Variants in SETD5 observed in about 807,000 individuals in gnomAD.
SETD5 encodes histone-lysine N-methyltransferase SETD5.
SETD5 carries 44 observed loss-of-function variants against 153.3 expected under a neutral mutation model. The ratio of observed to expected loss-of-function variants is 0.29; its 90% CI spans 0.23 to 0.37. The LOEUF (loss-of-function observed/expected upper bound fraction) is 0.37, where lower values mean the gene tolerates loss of function less well. Ranked by LOEUF, SETD5 falls within the 10% of genes least tolerant of loss-of-function variation. SETD5 has a pLI of 1.00. For synonymous variants in SETD5, 716 were observed against 645.2 expected (o/e 1.11, Z -1.66); for missense variants, 1,544 against 1,768.0 (o/e 0.87, Z 2.27).
At chr3:9,400,855 A>G (rs1357053494) in intron 1 of SETD5, among the ~76,000 whole-genome samples, 5 of 152,194 alleles carry the variant, frequency 3.3e-5, no homozygotes, top group Non-Finnish European at 7.3e-5. Flanking sequence ...GAACATTAGG[A>G]TGATCTCTGA....
Position 9,416,216 on chromosome 3 carries a change from C to CT in SETD5, c.-176-8250dup, listed in dbSNP as rs564582547. On this transcript the variant is annotated intron_variant, in intron 1 of 22. Transcript: ENST00000402198. ...TCAGCACTCTAAGACTCCAAGTACT[C>CT]TAAGAGATTGCTCACTAAAAATAAG... is the stretch of plus-strand genomic sequence containing the variant. Among the ~76,000 whole-genome samples the CT allele has an allele frequency of 7.6e-4, 116 of 152,246 alleles. 1 individual carries two copies. Among genetic ancestry groups the CT allele is most frequent in the Middle Eastern group, 6.8e-3 (2 of 292 alleles).
chr3:9,457,509 T>C (rs1345725161), intron 17 of SETD5, among the ~76,000 whole-genome samples: 1 of 150,092 alleles, frequency 6.7e-6, no homozygotes, highest in Non-Finnish European at 1.5e-5. Flanking sequence ...TATATACTAA[T>C]AATAATAATA....
chr3:9,404,529 A>T (rs1244568883), intron 1 of SETD5, among the ~76,000 whole-genome samples: 1 of 152,202 alleles, frequency 6.6e-6, no homozygotes, highest in Non-Finnish European at 1.5e-5. Flanking sequence ...TAGGGTAGTC[A>T]TTTCTTTCTT....
chr3:9,427,149 G>A (rs1264588325), intron 2 of SETD5, among the ~76,000 whole-genome samples: 1 of 152,126 alleles, frequency 6.6e-6, no homozygotes, highest in Admixed American at 6.5e-5. Context: ...GCCTCCTAAA[G>A]TGTTGGTATT....
Position 9,434,388 on chromosome 3 carries a change from T to C in SETD5, c.232T>C (p.Cys78Arg). 6.2e-7 allele frequency: 1 copy of C among 1,613,988 alleles called. No individual in the cohort carries two copies. Among genetic ancestry groups the C allele is most frequent in the Non-Finnish European group, 8.5e-7 (1 of 1,179,888 alleles). Residue 78 changes from cysteine to arginine, a missense_variant, in exon 5 of 23, where the codon TGT (cysteine) becomes CGT (arginine). Cys to Arg is a radical substitution (Grantham distance 180, BLOSUM62 -3). Transcript: ENST00000402198. The surrounding 1 kb of genome is among the most constrained non-coding windows in gnomAD (Gnocchi z 5.6). ...CCTGCCGTCGCCTGTAGAGGAACGC[T>C]GTGGAGACAGCCCGAACTCTGAAGG... ...NGLPSPVEER[C>R]GDSPNSEGET...
chr3:9,437,623 T>A, intron 7 of SETD5, among the ~76,000 whole-genome samples: 1 of 151,904 alleles, frequency 6.6e-6, no homozygotes, highest in East Asian at 1.9e-4. Flanking sequence ...TAAATAGAAT[T>A]AAATTCAAGT....
At chr3:9,456,594 T>G (rs914575981) in intron 17 of SETD5, among the ~76,000 whole-genome samples, 3 of 152,126 alleles carry the variant, frequency 2.0e-5, no homozygotes, top group Non-Finnish European at 4.4e-5. Context: ...CTCAATATAG[T>G]ATCAGGCCCA....
chr3:9,449,027 T>C lies in SETD5; in HGVS notation c.2346+397T>C, dbSNP rs888593572. ...AGGCCCTGGGTCCTCTAGAACACTG[T>C]TGCATAAATGAAAAAAATTAAATTG... is the stretch of plus-strand genomic sequence containing the variant. On this transcript the variant is annotated intron_variant, in intron 16 of 22. Transcript: ENST00000402198. Among the ~76,000 whole-genome samples, 30 of 152,228 alleles carry C rather than the reference T, an allele frequency of 2.0e-4. 1 individual carries two copies. The highest frequency in any genetic ancestry group is 1.9e-4 in the Non-Finnish European group (13 of 68,038).
At chr3:9,422,240 G>T (rs1381675978) in intron 1 of SETD5, among the ~76,000 whole-genome samples, 2 of 152,138 alleles carry the variant, frequency 1.3e-5, no homozygotes, top group Admixed American at 1.3e-4. Context: ...AAGTAATATT[G>T]TTGCCCTGCA....
At position 9,475,721 on chromosome 3, in the gene SETD5, A is replaced by G. The variant is rs778560598; in HGVS notation, c.3959A>G (p.Tyr1320Cys). 1 of 1,613,922 alleles carries G rather than the reference A, an allele frequency of 6.2e-7. No individual in the cohort carries two copies. The highest frequency in any genetic ancestry group is 2.2e-5 in the East Asian group (1 of 44,870). Residue 1320 changes from tyrosine (Y) to cysteine (C), a missense_variant, in exon 23 of 23, where the codon TAT becomes TGT. By Grantham distance (194) the Tyr-to-Cys change is radical. Coordinates refer to ENST00000402198, the MANE Select transcript of SETD5 (RefSeq NM_001080517.3). The part of the protein sequence containing the change: ...SLAPFTGTPG[Y>C]FSSQPHSGNS... ...GCCCCATTTACGGGGACACCAGGGT[A>G]TTTTAGCAGCCAGCCACATTCTGGA... is the stretch of plus-strand genomic sequence containing the variant.
chr3:9,475,737 A>G lies in SETD5; in HGVS notation c.3975A>G (p.Pro1325=), dbSNP rs1201740486. The G allele has an allele frequency of 6.2e-7, 1 of 1,613,794 alleles. No homozygotes were observed. Among genetic ancestry groups the G allele is most frequent in the East Asian group, 2.2e-5 (1 of 44,886 alleles). ...CACCAGGGTATTTTAGCAGCCAGCC[A>G]CATTCTGGAAACAGCACTGGCAGCA... The part of the protein sequence containing the change: ...TGTPGYFSSQ[P]HSGNSTGSNL... Residue 1325 remains proline, a synonymous_variant, in exon 23 of 23, where the codon CCA becomes CCG. Coordinates refer to ENST00000402198, the MANE Select transcript of SETD5 (RefSeq NM_001080517.3).
intron 10 of SETD5, among the ~76,000 whole-genome samples, 163 bp downstream of exon 10, chr3:9,442,408 A>G (rs979201383): frequency 6.6e-6 from 1 of 152,238 alleles, no homozygotes; most frequent in African/African-American, 2.4e-5. Flanking sequence ...TTATACGACA[A>G]AATGGGCGCA....
chr3:9,466,287 C>CAAAAAAAAAAAAA (rs146498301), intron 18 of SETD5, among the ~76,000 whole-genome samples: 1 of 63,282 alleles, frequency 1.6e-5, no homozygotes, highest in Non-Finnish European at 3.4e-5. Context: ...GACTCCGTCT[C>CAAAAAAAAAAAAA]AAAAAAAAAA....
Position 9,470,654 on chromosome 3 carries a change from G to C in SETD5, c.2920G>C (p.Asp974His). ...ACATCAGACCCTCGTGAGAAACTCA[G>C]ACCAGGCATTTCGGACAGAGTTCAA... ...DGHQTLVRNS[D>H]QAFRTEFNLM... The change falls in exon 19 of 23, where the codon GAC (aspartate) becomes CAC (histidine). Residue 974 changes from aspartate (D) to histidine (H), a missense_variant. By Grantham distance (81) the Asp-to-His change is moderately conservative. Coordinates refer to ENST00000402198, the MANE Select transcript of SETD5 (RefSeq NM_001080517.3). 3 of 1,613,972 alleles carry C rather than the reference G, an allele frequency of 1.9e-6. No individual in the cohort carries two copies. Among genetic ancestry groups the C allele is most frequent in the Non-Finnish European group, 2.5e-6 (3 of 1,179,884 alleles).
rs1360579578 is a variant in SETD5 at position 9,397,683 on chromosome 3, C to CTG, written c.-471_-470insTG. ...GCCGCCGCCGCCGCCGCCGCCGCCG[C>CTG]CGCTGCCGGGGGAGGGGCGGCCGCC... is the stretch of plus-strand genomic sequence containing the variant. On this transcript the variant is annotated 5_prime_UTR_variant, in exon 1 of 23. Transcript: ENST00000402198. 2 of 180,746 alleles carry CTG rather than the reference C, an allele frequency of 1.1e-5. No homozygotes were observed. The highest frequency in any genetic ancestry group is 4.8e-5 in the African/African-American group (2 of 41,532). The allele number at this position is 180,746 out of a possible 1,614,324, so 11.2% of individuals were successfully genotyped here.
intron 17 of SETD5, among the ~76,000 whole-genome samples, chr3:9,455,683 T>C (rs568248410): frequency 6.6e-6 from 1 of 152,298 alleles, no homozygotes; most frequent in East Asian, 1.9e-4. Context: ...GAATATAACT[T>C]AGCTGAAATA....
At chr3:9,420,619 C>CT in intron 1 of SETD5, among the ~76,000 whole-genome samples, 1 of 152,238 alleles carries the variant, frequency 6.6e-6, no homozygotes, top group East Asian at 1.9e-4. Flanking sequence ...TCAGTGCTTA[C>CT]CCCAATCAGT....
intron 1 of SETD5, among the ~76,000 whole-genome samples, chr3:9,412,894 T>C (rs1405849137): frequency 1.3e-5 from 2 of 151,560 alleles, no homozygotes; most frequent in Admixed American, 1.3e-4. Context: ...TTATACCATT[T>C]TACTTTCATA....
At chr3:9,410,219 G>A (rs1274570082) in intron 1 of SETD5, among the ~76,000 whole-genome samples, 2 of 152,158 alleles carry the variant, frequency 1.3e-5, no homozygotes, top group African/African-American at 4.8e-5. Flanking sequence ...TAACACAGTG[G>A]TAAGCATTTG....
Sources: allele counts gnomAD v4.1 joint callset (sites outside exome capture counted in the v4.1 genomes callset), GRCh38; gene constraint gnomAD v4.1.1; non-coding constraint Gnocchi (gnomAD v3.1); transcripts MANE v1.5; gene names NCBI Gene and HGNC (gene_info 2026-07-23, HGNC 2026-07-21).